Variants in ESF1 observed in about 807,000 individuals in gnomAD.
ESF1 encodes ESF1 homolog.
Under a neutral mutation model 92.0 loss-of-function variants are expected in ESF1, and 58 were observed. The ratio of observed to expected loss-of-function variants is 0.63; its 90% CI spans 0.51 to 0.78. The LOEUF (loss-of-function observed/expected upper bound fraction) is 0.78, where lower values mean the gene tolerates loss of function less well. Ranked by LOEUF, ESF1 falls within the 30% of genes least tolerant of loss-of-function variation. ESF1 has a pLI of 0.00. For synonymous variants in ESF1, 321 were observed against 313.7 expected (o/e 1.02, Z -0.24); for missense variants, 922 against 989.1 (o/e 0.93, Z 0.91).
At chr20:13,769,697 A>C (rs1287989377) in intron 7 of ESF1, among the ~76,000 whole-genome samples, 5 of 152,316 alleles carry the variant, frequency 3.3e-5, no homozygotes, top group Non-Finnish European at 7.3e-5. Flanking sequence ...GAGGCACGAG[A>C]ATCGCTTCAA....
intron 12 of ESF1, 99 bp from the exon 13 acceptor site, chr20:13,717,613 A>C: frequency 7.5e-7 from 1 of 1,328,830 alleles, no homozygotes; most frequent in Non-Finnish European, 1.0e-6. Context: ...AGAAAGGAAG[A>C]CTCAATCACT....
chr20:13,751,336 G>A (rs144047349), intron 9 of ESF1, among the ~76,000 whole-genome samples: 1 of 152,292 alleles, frequency 6.6e-6, no homozygotes, highest in Non-Finnish European at 1.5e-5. Flanking sequence ...GCATAGCTGT[G>A]GGCTATGGGA....
At chr20:13,717,989 T>C (rs184507390) in intron 12 of ESF1, among the ~76,000 whole-genome samples, 41 of 151,946 alleles carry the variant, frequency 2.7e-4, no homozygotes, top group Admixed American at 7.9e-4. Context: ...GTTTCAATAC[T>C]GATACATTTC....
At chr20:13,735,131 C>A (rs576873529) in intron 9 of ESF1, among the ~76,000 whole-genome samples, 1 of 152,076 alleles carries the variant, frequency 6.6e-6, no homozygotes, top group Non-Finnish European at 1.5e-5. Flanking sequence ...ATTTCCCCCC[C>A]TCAAAACATT....
intron 9 of ESF1, among the ~76,000 whole-genome samples, chr20:13,755,254 G>A (rs943819037): frequency 4.0e-5 from 6 of 151,542 alleles, no homozygotes; most frequent in Non-Finnish European, 7.4e-5. Flanking sequence ...ATATCTATTA[G>A]GCCAGAGATA....
intron 9 of ESF1, among the ~76,000 whole-genome samples, chr20:13,738,027 C>T (rs2049986717): frequency 6.6e-6 from 1 of 152,186 alleles, no homozygotes; most frequent in South Asian, 2.1e-4. Context: ...CAAAGACACT[C>T]CTTCAAACTC....
At chr20:13,784,670 G>C (rs978438803) in intron 1 of ESF1, among the ~76,000 whole-genome samples, 1 of 152,130 alleles carries the variant, frequency 6.6e-6, no homozygotes, top group Admixed American at 6.6e-5. Flanking sequence ...CCGCAGGGGG[G>C]CAGCTAACAG....
At chr20:13,784,620 G>C (rs1435968850) in intron 1 of ESF1, among the ~76,000 whole-genome samples, 4 of 152,096 alleles carry the variant, frequency 2.6e-5, no homozygotes, top group African/African-American at 9.7e-5. Context: ...GAGAACACAG[G>C]GCTGGCCCCT....
chr20:13,782,400 C>G, intron 2 of ESF1, 104 bp downstream of exon 2: 3 of 985,514 alleles, frequency 3.0e-6, no homozygotes. Flanking sequence ...TTTGACCATT[C>G]CATAATACTA....
intron 9 of ESF1, among the ~76,000 whole-genome samples, chr20:13,742,199 T>G (rs950360771): frequency 9.2e-5 from 14 of 152,198 alleles, no homozygotes; most frequent in African/African-American, 3.4e-4. Context: ...AAACCCTGTC[T>G]CTACTAAAAA....
intron 9 of ESF1, among the ~76,000 whole-genome samples, chr20:13,735,669 TTAC>T (rs2049971254): frequency 6.6e-6 from 1 of 152,180 alleles, no homozygotes. Context: ...TGTTGTATTA[TTAC>T]ATGATGTTTA....
rs769501709 is a variant in ESF1 at position 13,782,637 on chromosome 20, CTCTT to C, written c.500_503del (p.Lys167ArgfsTer21). The C allele has an allele frequency of 6.2e-7, 1 of 1,606,012 alleles. No individual in the cohort carries two copies. Among genetic ancestry groups the C allele is most frequent in the East Asian group, 2.2e-5 (1 of 44,668 alleles). ...TAGTATGTTGAACAATGTTTTTTTT[CTCTT>C]TCTTATTTTTTTGTGTAAATTCTTT... On this transcript the variant is annotated frameshift_variant, in exon 2 of 14. Transcript: ENST00000617257. LOFTEE classifies it high-confidence loss of function.
chr20:13,773,899 T>C (rs943925730), intron 4 of ESF1, among the ~76,000 whole-genome samples: 2 of 152,018 alleles, frequency 1.3e-5, no homozygotes, highest in Admixed American at 6.6e-5. Context: ...ATCGAGACCA[T>C]CCTGGCTAAC....
intron 9 of ESF1, among the ~76,000 whole-genome samples, 165 bp downstream of exon 9, chr20:13,759,527 A>G (rs933928073): frequency 6.6e-6 from 1 of 152,242 alleles, no homozygotes; most frequent in African/African-American, 2.4e-5. Context: ...CCAATTAAAA[A>G]TAAGTTGGTA....
At chr20:13,762,737 CTA>C in intron 8 of ESF1, 2 of 337,306 alleles carry the variant, frequency 5.9e-6, no homozygotes, top group Non-Finnish European at 1.1e-5. Flanking sequence ...GCTGATGTAT[CTA>C]TGAGAGGTAC....
chr20:13,777,402 G>A (rs534763752), intron 2 of ESF1, among the ~76,000 whole-genome samples: 1 of 152,280 alleles, frequency 6.6e-6, no homozygotes, highest in Admixed American at 6.5e-5. Context: ...GTTTGGTGGA[G>A]GGAAATCATG....
chr20:13,741,171 C>T (rs548322605), intron 9 of ESF1, among the ~76,000 whole-genome samples: 2 of 152,262 alleles, frequency 1.3e-5, no homozygotes, highest in South Asian at 4.1e-4. Flanking sequence ...TGCCCCATTC[C>T]CTGCCAACTC....
chr20:13,753,083 A>G (rs1978712493), intron 9 of ESF1, among the ~76,000 whole-genome samples: 1 of 152,162 alleles, frequency 6.6e-6, no homozygotes, highest in South Asian at 2.1e-4. Context: ...GAAAGCTTTA[A>G]GACGATCAAA....
At chr20:13,778,245 A>T (rs1568730266) in intron 2 of ESF1, among the ~76,000 whole-genome samples, 1 of 152,218 alleles carries the variant, frequency 6.6e-6, no homozygotes, top group Non-Finnish European at 1.5e-5. Context: ...TAATAAAAAT[A>T]ACTAGCCAAT....
Sources: gnomAD v4.1 joint callset for allele counts (sites outside exome capture counted in the v4.1 genomes callset) on GRCh38, gnomAD v4.1.1 for gene constraint, MANE v1.5 for transcripts, NCBI Gene and HGNC (gene_info 2026-07-23, HGNC 2026-07-21) for gene names.